SLCO1B1: variants seen among roughly 807,000 people sequenced by gnomAD.
SLCO1B1 encodes solute carrier organic anion transporter family member 1B1.
In SLCO1B1, 81 loss-of-function variants were observed where a neutral mutation model predicts 70.1. The observed-to-expected ratio is 1.16, with a 90% CI of 0.97 to 1.39. The LOEUF is 1.39. SLCO1B1 is among the 40% of genes most tolerant of loss of function. The probability of loss-of-function intolerance (pLI) is 0.00; values close to 1 mark genes in which losing one functional copy is unlikely to be tolerated. For synonymous variants in SLCO1B1, 283 were observed against 271.5 expected, an observed-to-expected ratio of 1.04 and a Z score of -0.42; for missense variants, 895 against 799.6, an observed-to-expected ratio of 1.12 and a Z score of -1.44.
intron 11 of SLCO1B1, among the ~76,000 whole-genome samples, chr12:21,213,325 G>A (rs1941312659): frequency 6.6e-6 from 1 of 151,910 alleles, no homozygotes; most frequent in Non-Finnish European, 1.5e-5. Flanking sequence ...CGCTTATGAA[G>A]CTTAGTTTGG....
chr12:21,144,927 A>G (rs1940361742), intron 2 of SLCO1B1, among the ~76,000 whole-genome samples: 1 of 152,188 alleles, frequency 6.6e-6, no homozygotes, highest in Non-Finnish European at 1.5e-5. Flanking sequence ...AAACATGGAA[A>G]TGAAAGAATG....
At chr12:21,219,795 CT>C (rs1450578239) in intron 12 of SLCO1B1, among the ~76,000 whole-genome samples, 1 of 152,146 alleles carries the variant, frequency 6.6e-6, no homozygotes, top group Non-Finnish European at 1.5e-5. Context: ...CAGTCTTGCT[CT>C]GTCACCCAGG....
rs555864085 is a variant in SLCO1B1, at chr12:21,202,637, A to C, written c.1282A>C (p.Ile428Leu). ...GTCCTTTTACCTATTATATTTTTTC[A>C]TACTCTGTGAAAACAAATCAGTTGC... ...SLSFYLLYFF[I>L]LCENKSVAGL... The change falls in exon 10 of 15, where the codon ATA becomes CTA. Residue 428 changes from isoleucine to leucine, a missense_variant. Coordinates refer to ENST00000256958, the MANE Select transcript of SLCO1B1 (RefSeq NM_006446.5). 1.2e-6 allele frequency: 2 copies of C among 1,612,892 alleles called. No homozygotes were observed. Among genetic ancestry groups the C allele is most frequent in the African/African-American group, 2.7e-5 (2 of 74,964 alleles).
chr12:21,157,703 G>A lies in SLCO1B1; in HGVS notation c.85-14947G>A, dbSNP rs931112565. Among the ~76,000 whole-genome samples, 9 of 150,696 alleles carry A rather than the reference G, an allele frequency of 6.0e-5. 1 individual carries two copies. The highest frequency in any genetic ancestry group is 3.9e-4 in the East Asian group (2 of 5,096). On this transcript the variant is annotated intron_variant, in intron 2 of 14. Transcript: ENST00000256958. ...TGCAAGCTCTGCCTCCCAGGTTCAC[G>A]CCATTCTCCTGCCTCAGCCTCCCAA...
At chr12:21,189,641 T>C (rs1263392093) in intron 7 of SLCO1B1, among the ~76,000 whole-genome samples, 1 of 152,078 alleles carries the variant, frequency 6.6e-6, no homozygotes, top group Non-Finnish European at 1.5e-5. Flanking sequence ...GAGATGGGAT[T>C]TCACCATGTT....
At chr12:21,185,534 T>C (rs945911088) in intron 7 of SLCO1B1, among the ~76,000 whole-genome samples, 4 of 152,050 alleles carry the variant, frequency 2.6e-5, no homozygotes, top group Non-Finnish European at 4.4e-5. Context: ...AAAACCGTTT[T>C]TGACATTAAA....
At chr12:21,172,580 C>G in intron 2 of SLCO1B1, 70 bp from the exon 3 acceptor site, 1 of 1,465,694 alleles carries the variant, frequency 6.8e-7, no homozygotes, top group East Asian at 2.3e-5. Context: ...TATTATAATT[C>G]CATGTGCCTA....
chr12:21,137,234 C>T (rs552082586), intron 1 of SLCO1B1, among the ~76,000 whole-genome samples: 30 of 152,212 alleles, frequency 2.0e-4, no homozygotes, highest in Admixed American at 5.2e-4. Context: ...GGTGTCAGTC[C>T]GCCCCTACTG....
chr12:21,233,571 C>A (rs868412121), intron 14 of SLCO1B1, among the ~76,000 whole-genome samples: 198 of 137,588 alleles, frequency 1.4e-3, no homozygotes, highest in Middle Eastern at 7.6e-3. Flanking sequence ...AACAAACAAA[C>A]AAAAAAAAAA....
chr12:21,196,103 C>A (rs1941089166), intron 7 of SLCO1B1, among the ~76,000 whole-genome samples: 1 of 152,142 alleles, frequency 6.6e-6, no homozygotes, highest in South Asian at 2.1e-4. Context: ...GCTAATATTG[C>A]ACTTCCCTGG....
intron 11 of SLCO1B1, among the ~76,000 whole-genome samples, chr12:21,216,724 A>G (rs1312049627): frequency 6.6e-6 from 1 of 152,166 alleles, no homozygotes; most frequent in African/African-American, 2.4e-5. Context: ...TTCTTTGGAT[A>G]ATTCCTCCTC....
At chr12:21,211,076 G>A (rs897841175) in intron 11 of SLCO1B1, among the ~76,000 whole-genome samples, 1 of 152,070 alleles carries the variant, frequency 6.6e-6, no homozygotes, top group African/African-American at 2.4e-5. Context: ...TAATTGCCCT[G>A]GCCAGAACTT....
At chr12:21,186,322 T>C (rs574192142) in intron 7 of SLCO1B1, among the ~76,000 whole-genome samples, 1 of 152,228 alleles carries the variant, frequency 6.6e-6, no homozygotes, top group African/African-American at 2.4e-5. Flanking sequence ...CCTCCTGTAA[T>C]TGTAGTAATA....
intron 11 of SLCO1B1, among the ~76,000 whole-genome samples, chr12:21,211,598 C>G (rs998247609): frequency 2.1e-4 from 32 of 152,236 alleles, no homozygotes; most frequent in Admixed American, 5.2e-4. Flanking sequence ...GGAGGATTCC[C>G]TCTTTTTCTA....
chr12:21,149,481 C>G (rs536781104), intron 2 of SLCO1B1, among the ~76,000 whole-genome samples: 75 of 152,152 alleles, frequency 4.9e-4, no homozygotes, highest in Non-Finnish European at 9.4e-4. Context: ...TGGGTGATTT[C>G]TGCATTTCCA....
rs144180550 is a variant in SLCO1B1, at chr12:21,201,406, C to T, written c.1135+734C>T. Among the ~76,000 whole-genome samples the T allele has an allele frequency of 6.0e-3, 912 of 152,204 alleles. 14 individuals carry two copies. The highest frequency in any genetic ancestry group is 0.021 in the African/African-American group (885 of 41,540). On this transcript the variant is annotated intron_variant, in intron 9 of 14. Coordinates refer to ENST00000256958, the MANE Select transcript of SLCO1B1 (RefSeq NM_006446.5). ...TTAAAATCGAAAAATAATGTTTTGACTCCCAGTAACCTAGCCTGAGCTTTT... is the reference window on the plus strand; with the variant it reads ...TTAAAATCGAAAAATAATGTTTTGATTCCCAGTAACCTAGCCTGAGCTTTT...
chr12:21,179,593 C>CT (rs1314953987), intron 7 of SLCO1B1, among the ~76,000 whole-genome samples: 1 of 152,158 alleles, frequency 6.6e-6, no homozygotes, highest in African/African-American at 2.4e-5. Flanking sequence ...TACTTTCCTT[C>CT]TTATCTCATA....
At chr12:21,184,436 G>A (rs1436236128) in intron 7 of SLCO1B1, among the ~76,000 whole-genome samples, 2 of 152,056 alleles carry the variant, frequency 1.3e-5, no homozygotes, top group Non-Finnish European at 2.9e-5. Flanking sequence ...AACCATACAA[G>A]CCAGAAGAGA....
intron 11 of SLCO1B1, among the ~76,000 whole-genome samples, chr12:21,213,388 T>C (rs980430026): frequency 6.6e-6 from 1 of 151,946 alleles, no homozygotes; most frequent in African/African-American, 2.4e-5. Flanking sequence ...TGTTGAATAT[T>C]GGCCCCCACT....
Sources: gnomAD v4.1 joint callset for allele counts (sites outside exome capture counted in the v4.1 genomes callset) on GRCh38, gnomAD v4.1.1 for gene constraint, MANE v1.5 for transcripts, NCBI Gene and HGNC (gene_info 2026-07-23, HGNC 2026-07-21) for gene names.